PTN: variants seen among roughly 807,000 people sequenced by gnomAD.
PTN encodes pleiotrophin, also known as heparin affin regulatory protein.
PTN carries 18 observed loss-of-function variants against 24.1 expected under a neutral mutation model. The observed-to-expected ratio is 0.75, with a 90% CI of 0.52 to 1.11. PTN has a LOEUF of 1.11. PTN is among the 50% of genes least tolerant of loss of function. PTN has a pLI of 0.00. For missense variants in PTN, 163 were observed against 198.8 expected (o/e 0.82, Z 1.08); for synonymous variants, 78 against 68.6 (o/e 1.14, Z -0.67).
chr7:137,294,957 A>G (rs1809696407), intron 1 of PTN, among the ~76,000 whole-genome samples: 1 of 152,136 alleles, frequency 6.6e-6, no homozygotes, highest in Non-Finnish European at 1.5e-5. Context: ...AAGAAATAAA[A>G]TAACTTGCCC....
At chr7:137,336,927 A>G (rs947906448) in intron 1 of PTN, among the ~76,000 whole-genome samples, 3 of 152,192 alleles carry the variant, frequency 2.0e-5, no homozygotes, top group Admixed American at 6.5e-5. Context: ...AAAACACTGA[A>G]GTAAGAAAGA....
At chr7:137,280,105 A>C (rs1236827345) in intron 1 of PTN, among the ~76,000 whole-genome samples, 1 of 152,206 alleles carries the variant, frequency 6.6e-6, no homozygotes, top group Non-Finnish European at 1.5e-5. Context: ...GCATGCTATG[A>C]GCTATACTAA....
chr7:137,307,807 A>G (rs1210954518), intron 1 of PTN, among the ~76,000 whole-genome samples: 1 of 152,138 alleles, frequency 6.6e-6, no homozygotes, highest in African/African-American at 2.4e-5. Context: ...AATTTGCCCA[A>G]AGTCACTGAT....
chr7:137,335,586 T>C (rs1353068985), intron 1 of PTN, among the ~76,000 whole-genome samples: 1 of 152,202 alleles, frequency 6.6e-6, no homozygotes, highest in Non-Finnish European at 1.5e-5. Flanking sequence ...AATTAAACTG[T>C]TGTGGCTTGC....
chr7:137,317,657 G>C (rs1191914542), intron 1 of PTN, among the ~76,000 whole-genome samples: 1 of 152,166 alleles, frequency 6.6e-6, no homozygotes, highest in Non-Finnish European at 1.5e-5. Flanking sequence ...TCTCTGAATT[G>C]TATAGGGCCT....
At chr7:137,324,469 C>A (rs1363658322) in intron 1 of PTN, among the ~76,000 whole-genome samples, 1 of 137,344 alleles carries the variant, frequency 7.3e-6, no homozygotes, top group African/African-American at 3.0e-5. Flanking sequence ...CCTTCCTAAG[C>A]CCTCATCTAA....
intron 1 of PTN, among the ~76,000 whole-genome samples, chr7:137,320,876 A>T (rs1810152031): frequency 6.6e-6 from 1 of 152,096 alleles, no homozygotes; most frequent in South Asian, 2.1e-4. Context: ...TTCTTCACAC[A>T]TCTTGATATG....
At chr7:137,326,475 A>C (rs1810264371) in intron 1 of PTN, 2 of 152,224 alleles carry the variant, frequency 1.3e-5, no homozygotes, top group African/African-American at 4.8e-5. Flanking sequence ...AATCTGTCTT[A>C]ACTACCTACT....
At chr7:137,316,907 C>T (rs934348756) in intron 1 of PTN, among the ~76,000 whole-genome samples, 1 of 152,168 alleles carries the variant, frequency 6.6e-6, no homozygotes, top group African/African-American at 2.4e-5. Context: ...TGGGTCACAG[C>T]CACCCCTCGG....
intron 1 of PTN, among the ~76,000 whole-genome samples, chr7:137,269,542 G>T (rs938311133): frequency 1.3e-5 from 2 of 150,076 alleles, no homozygotes; most frequent in African/African-American, 2.5e-5. Flanking sequence ...TTTCAGGTTT[G>T]TGAGAGAAAA....
rs922202714 is a variant in PTN at position 137,251,485 on chromosome 7, T to C, written c.290-94A>G. On this transcript the variant is annotated intron_variant, in intron 3 of 4. Transcript: ENST00000348225. The stretch of plus-strand genomic sequence containing the variant: ...ACACTTTTGTTTGTAACTTTTTTAT[T>C]GAAATAATTATAGATCCATATGCAG... 4 of 1,374,162 alleles carry C rather than the reference T, an allele frequency of 2.9e-6. No homozygotes were observed. The African/African-American group carries it at 5.8e-5, about 20-fold the overall frequency. The allele number at this position is 1,374,162 out of a possible 1,614,324, so 85.1% of individuals were successfully genotyped here.
chr7:137,259,857 C>T (rs1318226883), intron 1 of PTN, among the ~76,000 whole-genome samples: 1 of 151,870 alleles, frequency 6.6e-6, no homozygotes. Context: ...TCCAATGTTG[C>T]AATGTTGATA....
chr7:137,297,070 A>G (rs958423140), intron 1 of PTN, among the ~76,000 whole-genome samples: 1 of 152,136 alleles, frequency 6.6e-6, no homozygotes, highest in Non-Finnish European at 1.5e-5. Flanking sequence ...AGGGAAATTC[A>G]TAAAATGGAA....
chr7:137,255,852 A>T (rs1808913080), intron 1 of PTN, among the ~76,000 whole-genome samples: 1 of 152,220 alleles, frequency 6.6e-6, no homozygotes, highest in Non-Finnish European at 1.5e-5. Context: ...CCCAATGGCT[A>T]CACCATATCA....
chr7:137,266,011 G>A (rs1809137379), intron 1 of PTN, among the ~76,000 whole-genome samples: 1 of 151,978 alleles, frequency 6.6e-6, no homozygotes, highest in Admixed American at 6.5e-5. Context: ...ATATTAGTGT[G>A]TTATTAATGT....
intron 1 of PTN, among the ~76,000 whole-genome samples, chr7:137,321,885 T>C (rs1293097955): frequency 6.6e-6 from 1 of 152,206 alleles, no homozygotes; most frequent in Non-Finnish European, 1.5e-5. Flanking sequence ...CGTATGTGAC[T>C]AGGATAAGTA....
intron 1 of PTN, among the ~76,000 whole-genome samples, chr7:137,311,655 A>G (rs1809984528): frequency 6.6e-6 from 1 of 152,218 alleles, no homozygotes; most frequent in South Asian, 2.1e-4. Flanking sequence ...AGGAGGCTCA[A>G]TAAGAGGAAG....
At chr7:137,252,292 T>C (rs1808841653) in intron 3 of PTN, among the ~76,000 whole-genome samples, 1 of 151,942 alleles carries the variant, frequency 6.6e-6, no homozygotes, top group Admixed American at 6.5e-5. Context: ...GAAAAGATGC[T>C]GAATATATTT....
chr7:137,300,890 G>A (rs1158050606), intron 1 of PTN, among the ~76,000 whole-genome samples: 1 of 151,346 alleles, frequency 6.6e-6, no homozygotes, highest in Non-Finnish European at 1.5e-5. Context: ...ATGGTACAAA[G>A]TTCATTTGAC....
Sources: gnomAD v4.1 joint callset for allele counts (sites outside exome capture counted in the v4.1 genomes callset) on GRCh38, gnomAD v4.1.1 for gene constraint, MANE v1.5 for transcripts, NCBI Gene and HGNC (gene_info 2026-07-23, HGNC 2026-07-21) for gene names.